PTPRO: variants seen among roughly 807,000 people sequenced by gnomAD.
PTPRO encodes the protein protein tyrosine phosphatase receptor type O.
PTPRO carries 62 observed loss-of-function variants against 145.2 expected under a neutral mutation model. The observed-to-expected ratio is 0.43, with a 90% CI of 0.35 to 0.53. The LOEUF (loss-of-function observed/expected upper bound fraction) is 0.53, where lower values mean the gene tolerates loss of function less well. Ranked by LOEUF, PTPRO falls within the 20% of genes least tolerant of loss-of-function variation. The pLI, the probability that PTPRO is intolerant of heterozygous loss-of-function variation, is 0.01. For synonymous variants in PTPRO, 565 were observed against 514.7 expected (o/e 1.10, Z -1.32); for missense variants, 1,345 against 1,482.7 (o/e 0.91, Z 1.53).
intron 2 of PTPRO, among the ~76,000 whole-genome samples, chr12:15,491,939 GACAAACAA>G (rs72189659): frequency 0.21 from 31,325 of 151,536 alleles, 4,015 homozygotes; most frequent in Admixed American, 0.31. Flanking sequence ...CTTCCTGTTT[GACAAACAA>G]ACAAACAAAC....
At chr12:15,443,563 C>T (rs1940826174) in intron 1 of PTPRO, among the ~76,000 whole-genome samples, 1 of 151,966 alleles carries the variant, frequency 6.6e-6, no homozygotes, top group Admixed American at 6.6e-5. Context: ...AAACAGACAA[C>T]CTAAAGACAG....
chr12:15,455,326 A>G (rs1395097963), intron 1 of PTPRO, among the ~76,000 whole-genome samples: 2 of 151,724 alleles, frequency 1.3e-5, no homozygotes, highest in Non-Finnish European at 2.9e-5. Flanking sequence ...CACACACACA[A>G]TACCTGAAAT....
chr12:15,555,328 G>A (rs1943592369), intron 15 of PTPRO, among the ~76,000 whole-genome samples: 1 of 152,144 alleles, frequency 6.6e-6, no homozygotes, highest in African/African-American at 2.4e-5. Context: ...GTAAAAGAAG[G>A]CCCTGCATTA....
chr12:15,516,518 A>AAAAAT (rs1555172015), intron 8 of PTPRO, among the ~76,000 whole-genome samples: 2 of 135,098 alleles, frequency 1.5e-5, no homozygotes, highest in African/African-American at 5.6e-5. Context: ...AGAAAGAAAG[A>AAAAAT]AAAAGAAAAG....
intron 1 of PTPRO, among the ~76,000 whole-genome samples, chr12:15,388,906 A>AT (rs1473647901): frequency 1.3e-5 from 2 of 150,960 alleles, no homozygotes; most frequent in Non-Finnish European, 3.0e-5. Context: ...TAAAGTGTTC[A>AT]TTTTTTCTCC....
intron 17 of PTPRO, chr12:15,565,377 A>C (rs925066553): frequency 2.3e-6 from 1 of 440,098 alleles, no homozygotes; most frequent in African/African-American, 2.0e-5. Flanking sequence ...TAAAGTGCAG[A>C]TATGTTCATG....
At chr12:15,344,639 G>A (rs73057230) in intron 1 of PTPRO, among the ~76,000 whole-genome samples, 37,338 of 152,070 alleles carry the variant, frequency 0.25, 4,824 homozygotes, top group Non-Finnish European at 0.29. Flanking sequence ...TCAAAATAGT[G>A]TATGGGAAAA....
intron 1 of PTPRO, among the ~76,000 whole-genome samples, chr12:15,403,411 C>T (rs1180414416): frequency 6.6e-6 from 1 of 151,984 alleles, no homozygotes; most frequent in African/African-American, 2.4e-5. Context: ...GGTGAAACTC[C>T]GTCTCTAGTA....
intron 1 of PTPRO, among the ~76,000 whole-genome samples, chr12:15,365,472 G>T (rs1344704822): frequency 2.6e-5 from 4 of 151,896 alleles, no homozygotes; most frequent in South Asian, 2.1e-4. Flanking sequence ...TATATTTTAT[G>T]ACTCCCTTTT....
intron 1 of PTPRO, among the ~76,000 whole-genome samples, chr12:15,461,514 T>C (rs796425450): frequency 1.9e-4 from 29 of 150,698 alleles, no homozygotes; most frequent in African/African-American, 7.0e-4. Flanking sequence ...AACATCTTCA[T>C]CTCCTCCCCC....
intron 12 of PTPRO, among the ~76,000 whole-genome samples, chr12:15,543,393 C>T (rs773502967): frequency 6.6e-6 from 1 of 152,190 alleles, no homozygotes; most frequent in Non-Finnish European, 1.5e-5. Flanking sequence ...GTATTCATGT[C>T]GTATTCCTTG....
chr12:15,446,567 G>C (rs879838898), intron 1 of PTPRO, among the ~76,000 whole-genome samples: 6 of 151,726 alleles, frequency 4.0e-5, no homozygotes, highest in Non-Finnish European at 7.4e-5. Context: ...AGGGAGGAAG[G>C]CAAATATATG....
At chr12:15,421,099 T>C (rs1356039428) in intron 1 of PTPRO, among the ~76,000 whole-genome samples, 1 of 152,258 alleles carries the variant, frequency 6.6e-6, no homozygotes, top group African/African-American at 2.4e-5. Context: ...TTCATTAATG[T>C]AGTATTTTAA....
rs923821308 is a variant in PTPRO at position 15,557,637 on chromosome 12, C to T, written c.2627+114C>T. On this transcript the variant is annotated intron_variant, in intron 16 of 26. Coordinates refer to ENST00000281171, the MANE Select transcript of PTPRO (RefSeq NM_030667.3). ...TTGTCTGATTATCCTTTTGTAATTT[C>T]GGTGATGGTAGACTTTCAATGGCTA... The T allele has an allele frequency of 9.8e-6, 9 of 920,298 alleles. No homozygotes were observed. In the African/African-American group the frequency reaches 9.8e-5, roughly 10 times the overall value. The allele number at this position is 920,298 out of a possible 1,614,324, so 57.0% of individuals were successfully genotyped here. A position where few individuals can be genotyped will look rare whatever the true frequency, so the allele number is the denominator to read the frequency against.
intron 14 of PTPRO, among the ~76,000 whole-genome samples, chr12:15,550,017 C>T (rs1162699109): frequency 6.6e-6 from 1 of 152,062 alleles, no homozygotes; most frequent in Non-Finnish European, 1.5e-5. Context: ...TTCCTACATC[C>T]TTGTACACTT....
In PTPRO at chr12:15,444,607, C is replaced by T. The variant is rs113634316; in HGVS notation, c.76-39367C>T. On this transcript the variant is annotated intron_variant, in intron 1 of 26. Transcript: ENST00000281171. ...CCCCGCCCAAATTTGTTTGCCGAAACGTAATCCCCAATGTGACAATATTTG... is the reference window on the plus strand; with the variant it reads ...CCCCGCCCAAATTTGTTTGCCGAAATGTAATCCCCAATGTGACAATATTTG... 8.1e-5 allele frequency among the ~76,000 whole-genome samples: 12 copies of T among 147,818 alleles called. 1 individual carries two copies. Among genetic ancestry groups the T allele is most frequent in the African/African-American group, 2.8e-4 (11 of 39,956 alleles).
intron 1 of PTPRO, among the ~76,000 whole-genome samples, chr12:15,350,900 T>C (rs940552352): frequency 6.6e-6 from 1 of 152,232 alleles, no homozygotes; most frequent in Non-Finnish European, 1.5e-5. Flanking sequence ...ATTCTTTTGC[T>C]CACTATGACA....
At chr12:15,398,081 T>C (rs531781164) in intron 1 of PTPRO, among the ~76,000 whole-genome samples, 2 of 152,282 alleles carry the variant, frequency 1.3e-5, no homozygotes, top group African/African-American at 4.8e-5. Flanking sequence ...GCTGCTCCCA[T>C]CTTTAATGTG....
At position 15,587,215 on chromosome 12, in the gene PTPRO, T is replaced by C. The variant is rs1244553776; in HGVS notation, c.3410+164T>C. ...ATGTCTCACTATATACAATGTTTATTCTGGCTTTCCTGTATCTATACCCTA... is the reference window on the plus strand; with the variant it reads ...ATGTCTCACTATATACAATGTTTATCCTGGCTTTCCTGTATCTATACCCTA... On this transcript the variant is annotated intron_variant, in intron 24 of 26. Transcript: ENST00000281171. The C allele has an allele frequency of 3.8e-6, 3 of 797,318 alleles. No individual in the cohort carries two copies. The Admixed American group carries it at 7.1e-5, about 19-fold the overall frequency. 49.4% of individuals were successfully genotyped at this position (797,318 alleles called of 1,614,324 possible). A position where few individuals can be genotyped will look rare whatever the true frequency, so the allele number is the denominator to read the frequency against.
Sources: allele counts gnomAD v4.1 joint callset (sites outside exome capture counted in the v4.1 genomes callset), GRCh38; gene constraint gnomAD v4.1.1; transcripts MANE v1.5; gene names NCBI Gene and HGNC (gene_info 2026-07-23, HGNC 2026-07-21).